The following CENPP variants were observed in gnomAD, a reference collection of about 807,000 sequenced individuals.
CENPP encodes the protein centromere protein P.
Under a neutral mutation model 35.6 loss-of-function variants are expected in CENPP, and 24 were observed. The ratio of observed to expected loss-of-function variants is 0.67; its 90% confidence interval spans 0.49 to 0.95. The LOEUF (loss-of-function observed/expected upper bound fraction) is 0.95, where lower values mean the gene tolerates loss of function less well. CENPP is among the 40% of genes least tolerant of loss of function. The pLI is 0.00. For synonymous variants in CENPP, 120 were observed against 125.5 expected (o/e 0.96, Z 0.29); for missense variants, 332 against 345.3 (o/e 0.96, Z 0.31).
Position 92,348,423 on chromosome 9 carries a change from G to A in CENPP, c.467+2636G>A, listed in dbSNP as rs147403044. ...TTTTTTTTTTTTGAGATGGAATTTC[G>A]CTCTTTTTGCCCAGGCTGGAGTGCG... On this transcript the variant is annotated intron_variant, in intron 4 of 7. Coordinates refer to ENST00000375587, the MANE Select transcript of CENPP (RefSeq NM_001012267.3). 6.0e-3 allele frequency among the ~76,000 whole-genome samples: 799 copies of A among 133,166 alleles called. 5 individuals are homozygous for A. The highest frequency in any genetic ancestry group is 0.022 in the African/African-American group (765 of 35,046). The allele number at this position is 133,166 out of a possible 152,430, so 87.4% of individuals were successfully genotyped here.
At chr9:92,605,201 C>T (rs542612098) in intron 5 of CENPP, among the ~76,000 whole-genome samples, 1 of 152,270 alleles carries the variant, frequency 6.6e-6, no homozygotes, top group South Asian at 2.1e-4. Context: ...GTTGGCAAGG[C>T]TGGTCTCGAA....
chr9:92,554,453 G>C lies in CENPP; in HGVS notation c.565-56861G>C, dbSNP rs75804496. 4.6e-4 allele frequency among the ~76,000 whole-genome samples: 70 copies of C among 152,284 alleles called. No individual in the cohort carries two copies. The East Asian group carries it at 0.013, about 28-fold the overall frequency. On this transcript the variant is annotated intron_variant, in intron 5 of 7. Transcript: ENST00000375587. ...CCGCATCACCCTCCCAAAGTGCTGGGATTACAGGCGTGAGCCACTGCGCCC... is the reference window on the plus strand; with the variant it reads ...CCGCATCACCCTCCCAAAGTGCTGGCATTACAGGCGTGAGCCACTGCGCCC...
chr9:92,431,456 T>C (rs1455739126), intron 5 of CENPP, among the ~76,000 whole-genome samples: 1 of 152,266 alleles, frequency 6.6e-6, no homozygotes, highest in Admixed American at 6.5e-5. Flanking sequence ...CATTGTGATT[T>C]TAACTTCCAT....
At chr9:92,381,173 C>T (rs1390008807) in intron 5 of CENPP, among the ~76,000 whole-genome samples, 1 of 152,086 alleles carries the variant, frequency 6.6e-6, no homozygotes, top group African/African-American at 2.4e-5. Context: ...GTTGTGTTTT[C>T]TGTTTCTATG....
At chr9:92,396,467 C>G (rs1178290436) in intron 5 of CENPP, among the ~76,000 whole-genome samples, 2 of 151,858 alleles carry the variant, frequency 1.3e-5, no homozygotes, top group Admixed American at 6.6e-5. Context: ...ATTGAATCTT[C>G]TAGACCTCGA....
In CENPP at chr9:92,361,002, C is replaced by T. The variant is rs1035653418; in HGVS notation, c.467+15215C>T. Among the ~76,000 whole-genome samples the T allele has an allele frequency of 2.2e-4, 33 of 151,988 alleles. 2 individuals are homozygous for T. In the East Asian group the frequency reaches 3.7e-3, roughly 17 times the overall value. On this transcript the variant is annotated intron_variant, in intron 4 of 7. Coordinates refer to ENST00000375587, the MANE Select transcript of CENPP (RefSeq NM_001012267.3). The stretch of plus-strand genomic sequence containing the variant: ...GATTACAGGCGTGAGCCCCCGCCCC[C>T]GGCCATATTTATCTAGATTTTTAAT...
intron 5 of CENPP, chr9:92,456,258 A>G (rs904636814): frequency 2.6e-5 from 4 of 152,166 alleles, no homozygotes; most frequent in African/African-American, 4.8e-5. Context: ...CTGATTTTAC[A>G]TATGTTGAAT....
intron 1 of CENPP, among the ~76,000 whole-genome samples, chr9:92,331,701 C>T (rs1840752620): frequency 1.3e-5 from 2 of 152,152 alleles, no homozygotes. Context: ...GTGGATCACG[C>T]CTGTAATCCA....
At chr9:92,368,679 G>A (rs117508233) in intron 4 of CENPP, among the ~76,000 whole-genome samples, 1 of 152,126 alleles carries the variant, frequency 6.6e-6, no homozygotes, top group African/African-American at 2.4e-5. Context: ...CTACTGACGG[G>A]AATCAGCAGC....
intron 5 of CENPP, chr9:92,401,133 T>A (rs1244169097): frequency 6.4e-7 from 1 of 1,558,476 alleles, no homozygotes; most frequent in Non-Finnish European, 8.8e-7. Flanking sequence ...TATTGCCTCA[T>A]CTTTTTGTAA....
chr9:92,532,015 G>GTTTTTTTTTTTGT (rs1848801440), intron 5 of CENPP, among the ~76,000 whole-genome samples: 9 of 95,736 alleles, frequency 9.4e-5, no homozygotes, highest in African/African-American at 5.3e-4. Flanking sequence ...TTTATTTAAT[G>GTTTTTTTTTTTGT]TTTTTTTTTT....
chr9:92,391,381 T>A (rs1473928812), intron 5 of CENPP, among the ~76,000 whole-genome samples: 1 of 152,114 alleles, frequency 6.6e-6, no homozygotes, highest in Non-Finnish European at 1.5e-5. Context: ...CACTCCAGCC[T>A]GGGCAACAGA....
chr9:92,453,659 A>T (rs540706353), intron 5 of CENPP, among the ~76,000 whole-genome samples: 5 of 152,316 alleles, frequency 3.3e-5, no homozygotes, highest in African/African-American at 1.2e-4. Flanking sequence ...TTAACACCCC[A>T]CTGTCAACAT....
intron 5 of CENPP, among the ~76,000 whole-genome samples, chr9:92,478,860 A>C (rs1845808460): frequency 6.6e-6 from 1 of 152,172 alleles, no homozygotes; most frequent in South Asian, 2.1e-4. Context: ...AAAATGTAGA[A>C]ACAAAAAAAC....
chr9:92,479,578 G>A (rs1332509193), intron 5 of CENPP, among the ~76,000 whole-genome samples: 4 of 152,138 alleles, frequency 2.6e-5, no homozygotes, highest in Non-Finnish European at 5.9e-5. Flanking sequence ...TCCAGGGAGA[G>A]GATACTACCT....
chr9:92,342,728 GTTTCTC>G (rs1475628980), intron 3 of CENPP, among the ~76,000 whole-genome samples: 2 of 152,150 alleles, frequency 1.3e-5, no homozygotes, highest in African/African-American at 4.8e-5. Flanking sequence ...GGACTATCTC[GTTTCTC>G]TTTATTGCTT....
Position 92,494,147 on chromosome 9 carries a change from C to T in CENPP, c.564+114288C>T, listed in dbSNP as rs530819222. On this transcript the variant is annotated intron_variant, in intron 5 of 7. Coordinates refer to ENST00000375587, the MANE Select transcript of CENPP (RefSeq NM_001012267.3). ...TGTCTCTAGAACAGCATCTGAAACA[C>T]AGCTGAATAAAGTCAGAGTAAGAAA... The T allele has an allele frequency of 3.0e-5, 48 of 1,597,344 alleles. No individual in the cohort carries two copies. In the African/African-American group the frequency reaches 5.5e-4, roughly 18 times the overall value.
At chr9:92,351,219 G>C (rs147035801) in intron 4 of CENPP, among the ~76,000 whole-genome samples, 3,054 of 152,218 alleles carry the variant, frequency 0.02, 45 homozygotes, top group Non-Finnish European at 0.026. Context: ...GGCCAGGTGT[G>C]GTGGCTCACG....
chr9:92,605,901 A>C (rs183572232), intron 5 of CENPP, among the ~76,000 whole-genome samples: 66 of 152,374 alleles, frequency 4.3e-4, no homozygotes, highest in African/African-American at 1.5e-3. Context: ...ATATTGGGTA[A>C]GTGACTTGTT....
Sources: gnomAD v4.1 joint callset for allele counts (sites outside exome capture counted in the v4.1 genomes callset) on GRCh38, gnomAD v4.1.1 for gene constraint, MANE v1.5 for transcripts, NCBI Gene and HGNC (gene_info 2026-07-23, HGNC 2026-07-21) for gene names.